Variants in UBP1 observed in about 807,000 individuals in gnomAD.
UBP1 encodes the protein upstream-binding protein 1.
Under a neutral mutation model 76.1 loss-of-function variants are expected in UBP1, and 22 were observed. That is an observed-to-expected ratio of 0.29 (90% CI 0.21 to 0.41). UBP1 has a LOEUF of 0.41. Ranked by LOEUF, UBP1 falls within the 10% of genes least tolerant of loss-of-function variation. UBP1 has a pLI of 1.00. For synonymous variants in UBP1, 224 were observed against 237.1 expected (o/e 0.94, Z 0.51); for missense variants, 436 against 668.1 (o/e 0.65, Z 3.83).
chr3:33,409,124 G>A, intron 7 of UBP1, 112 bp downstream of exon 7: 1 of 1,024,990 alleles, frequency 9.8e-7, no homozygotes, highest in Non-Finnish European at 1.5e-6. Flanking sequence ...AGAATAACAT[G>A]TCAAACTGCC....
At chr3:33,429,782 A>G (rs1292530779) in intron 1 of UBP1, among the ~76,000 whole-genome samples, 1 of 152,234 alleles carries the variant, frequency 6.6e-6, no homozygotes, top group African/African-American at 2.4e-5. Flanking sequence ...ACATCTAAAA[A>G]TCCAGCAATG....
chr3:33,419,178 C>G (rs2044816673), intron 2 of UBP1, among the ~76,000 whole-genome samples: 1 of 152,106 alleles, frequency 6.6e-6, no homozygotes, highest in Non-Finnish European at 1.5e-5. Context: ...TCAAAGACAG[C>G]CAGGAGCTGA....
chr3:33,406,842 T>C (rs754705546), intron 8 of UBP1, among the ~76,000 whole-genome samples: 1 of 152,216 alleles, frequency 6.6e-6, no homozygotes, highest in Non-Finnish European at 1.5e-5. Flanking sequence ...GAGCCAATCA[T>C]ATACAGCTCA....
intron 10 of UBP1, 58 bp downstream of exon 10, chr3:33,400,904 A>G (rs2044201788): frequency 1.3e-6 from 2 of 1,544,214 alleles, no homozygotes; most frequent in African/African-American, 2.8e-5. Context: ...ACAAAAACCA[A>G]AACTTTAAAA....
chr3:33,396,931 G>A (rs1012893548), intron 12 of UBP1, 114 bp downstream of exon 12: 22 of 936,116 alleles, frequency 2.4e-5, no homozygotes, highest in African/African-American at 3.3e-5. Flanking sequence ...GCCAATGCTC[G>A]ATGGCGCACA....
In UBP1 at chr3:33,440,209, T is replaced by A. The variant is rs2045270937; in HGVS notation, c.-361A>T. Reference sequence around the variant, plus strand: ...TCCTCCTCCGGGACCGCTGGGAGGCTGGACCTCGGGCCGCTCCGAGGACCA... The same window carrying A: ...TCCTCCTCCGGGACCGCTGGGAGGCAGGACCTCGGGCCGCTCCGAGGACCA... On this transcript the variant is annotated 5_prime_UTR_variant, in exon 1 of 16. Transcript: ENST00000283629. 6.4e-6 allele frequency: 1 copy of A among 156,146 alleles called. No individual in the cohort carries two copies. Among genetic ancestry groups the A allele is most frequent in the Non-Finnish European group, 1.4e-5 (1 of 70,738 alleles). The allele number at this position is 156,146 out of a possible 1,614,324, so 9.7% of individuals were successfully genotyped here.
Position 33,389,096 on chromosome 3 carries a change from G to A in UBP1, c.*1235C>T, listed in dbSNP as rs1453243440. ...GTTTTGGATGAAGGACGGAGATATGGGAGGAAAGTGAGAAAACAGTGGATT... is the reference window on the plus strand; with the variant it reads ...GTTTTGGATGAAGGACGGAGATATGAGAGGAAAGTGAGAAAACAGTGGATT... On this transcript the variant is annotated 3_prime_UTR_variant, in exon 16 of 16. Coordinates refer to ENST00000283629, the MANE Select transcript of UBP1 (RefSeq NM_014517.5). The A allele has an allele frequency of 2.0e-5, 3 of 152,636 alleles. No homozygotes were observed. Among genetic ancestry groups the A allele is most frequent in the African/African-American group, 7.2e-5 (3 of 41,460 alleles). 9.5% of individuals were successfully genotyped at this position (152,636 alleles called of 1,614,324 possible).
intron 9 of UBP1, among the ~76,000 whole-genome samples, chr3:33,402,469 C>T (rs1241005893): frequency 6.6e-6 from 1 of 152,168 alleles, no homozygotes; most frequent in Non-Finnish European, 1.5e-5. Flanking sequence ...TAGTAATAAA[C>T]TCACTTTGTC....
intron 11 of UBP1, among the ~76,000 whole-genome samples, chr3:33,399,984 A>G (rs2044159820): frequency 6.6e-6 from 1 of 152,246 alleles, no homozygotes; most frequent in African/African-American, 2.4e-5. Context: ...GACTGAACCA[A>G]TGTCAACTGC....
At chr3:33,431,295 G>A (rs1456171910) in intron 1 of UBP1, among the ~76,000 whole-genome samples, 1 of 152,188 alleles carries the variant, frequency 6.6e-6, no homozygotes, top group African/African-American at 2.4e-5. Flanking sequence ...CGGAATAGGG[G>A]CAAAAACTGA....
chr3:33,422,099 GAA>G (rs1374404891), intron 2 of UBP1, among the ~76,000 whole-genome samples: 1 of 152,138 alleles, frequency 6.6e-6, no homozygotes, highest in Non-Finnish European at 1.5e-5. Context: ...CTAGTGAGCT[GAA>G]GATACTTTGC....
At chr3:33,405,196 T>G (rs1349661713) in intron 8 of UBP1, among the ~76,000 whole-genome samples, 2 of 152,074 alleles carry the variant, frequency 1.3e-5, no homozygotes, top group East Asian at 1.9e-4. Flanking sequence ...AGAAAAAAAT[T>G]TTTAAAGATT....
At chr3:33,424,214 A>G (rs1252658553) in intron 2 of UBP1, among the ~76,000 whole-genome samples, 2 of 152,240 alleles carry the variant, frequency 1.3e-5, no homozygotes, top group Non-Finnish European at 2.9e-5. Context: ...TAACTCTCAA[A>G]TAAGTGATTG....
Position 33,396,166 on chromosome 3 carries a change from G to T in UBP1, c.1386C>A (p.Pro462=). ...TGAGATGCCCTCAATACCTACCATA[G>T]GGTGCCCCACTGCCATTCTCGCTTG... ...SSASENGSGA[P]YVYHAIYLEE... Residue 462 remains proline, a synonymous_variant, in exon 13 of 16, where the codon CCC becomes CCA. Transcript: ENST00000283629. 6.3e-7 allele frequency: 1 copy of T among 1,576,208 alleles called. No individual in the cohort carries two copies. Among genetic ancestry groups the T allele is most frequent in the South Asian group, 1.1e-5 (1 of 88,218 alleles).
chr3:33,435,708 A>G (rs987146857), intron 1 of UBP1, among the ~76,000 whole-genome samples: 1 of 152,178 alleles, frequency 6.6e-6, no homozygotes, highest in East Asian at 1.9e-4. Context: ...ACATGCTCAG[A>G]TCAGTTAGAT....
chr3:33,425,952 C>G (rs2045003425), intron 1 of UBP1, among the ~76,000 whole-genome samples: 1 of 140,304 alleles, frequency 7.1e-6, no homozygotes, highest in African/African-American at 2.7e-5. Flanking sequence ...TTAACAACCC[C>G]TATCTCGGGG....
chr3:33,390,493 G>C, intron 15 of UBP1, 125 bp from the exon 16 acceptor site: 1 of 1,005,902 alleles, frequency 9.9e-7, no homozygotes, highest in African/African-American at 1.6e-5. Flanking sequence ...AATGATTCTA[G>C]AGAAACAAGC....
intron 7 of UBP1, 52 bp downstream of exon 7, chr3:33,409,184 C>T: frequency 1.3e-6 from 2 of 1,549,894 alleles, no homozygotes; most frequent in Admixed American, 1.7e-5. Flanking sequence ...TAGAAATAGA[C>T]TAATATGCAA....
At chr3:33,408,657 T>C (rs772922666) in intron 8 of UBP1, 33 bp downstream of exon 8, 1 of 1,584,812 alleles carries the variant, frequency 6.3e-7, no homozygotes, top group Admixed American at 1.8e-5. Context: ...CAAGGTTTCT[T>C]GCACAATGAA....
Sources: gnomAD v4.1 joint callset for allele counts (sites outside exome capture counted in the v4.1 genomes callset) on GRCh38, gnomAD v4.1.1 for gene constraint, MANE v1.5 for transcripts, NCBI Gene and HGNC (gene_info 2026-07-23, HGNC 2026-07-21) for gene names.